Variants in PTPN22 observed in about 807,000 individuals in gnomAD.
PTPN22 encodes the protein tyrosine-protein phosphatase non-receptor type 22.
PTPN22 carries 85 observed loss-of-function variants against 103.3 expected under a neutral mutation model. The observed-to-expected ratio is 0.82, with a 90% CI of 0.69 to 0.99. The LOEUF is 0.99. Ranked by LOEUF, PTPN22 falls within the 50% of genes least tolerant of loss-of-function variation. The pLI, the probability that PTPN22 is intolerant of heterozygous loss-of-function variation, is 0.00. For missense variants in PTPN22, 865 were observed against 936.9 expected (o/e 0.92, Z 1.00); for synonymous variants, 323 against 310.2 (o/e 1.04, Z -0.43).
exon 21 of PTPN22, chr1:113,814,194 T>C (rs1394853959): frequency 2.0e-5 from 3 of 152,302 alleles, no homozygotes; most frequent in African/African-American, 4.8e-5. Flanking sequence ...TATAAACATA[T>C]ACAATTTATA....
At chr1:113,838,100 C>A (rs1663185361) in exon 13 of PTPN22, 1 of 1,613,978 alleles carries the variant, frequency 6.2e-7, no homozygotes, top group Non-Finnish European at 8.5e-7. Context: ...TATCTTCCTG[C>A]TGCATTTACA....
chr1:113,846,559 T>C (rs533681282), intron 11 of PTPN22, among the ~76,000 whole-genome samples: 2 of 152,328 alleles, frequency 1.3e-5, no homozygotes, highest in Non-Finnish European at 2.9e-5. Flanking sequence ...TTACCCACTT[T>C]TGTTTATTAT....
At chr1:113,829,601 T>C (rs753746966) in exon 18 of PTPN22, 7 of 1,586,980 alleles carry the variant, frequency 4.4e-6, no homozygotes, top group Non-Finnish European at 6.0e-6. Context: ...CCTTACTCCT[T>C]GTGAAACTTT....
chr1:113,829,021 TA>T (rs1253818009), intron 18 of PTPN22: 1 of 152,078 alleles, frequency 6.6e-6, no homozygotes, highest in Non-Finnish European at 1.5e-5. Context: ...TATTTATTTT[TA>T]TTTTTAAAAA....
Position 113,815,067 on chromosome 1 carries a change from G to T in PTPN22, c.2360-98C>A, listed in dbSNP as rs1347994738. 3.5e-6 allele frequency: 3 copies of T among 860,136 alleles called. No individual in the cohort carries two copies. In the East Asian group the frequency reaches 8.0e-5, roughly 23 times the overall value. The allele number at this position is 860,136 out of a possible 1,614,324, so 53.3% of individuals were successfully genotyped here. ...TATATTATAATATATGCAAATACAT[G>T]GTCTTTTTTTAAATGTTAGGCAGCA... On this transcript the variant is annotated intron_variant, in intron 20 of 20. Transcript: ENST00000359785.
At chr1:113,871,604 A>C in exon 1 of PTPN22, 1 of 1,614,050 alleles carries the variant, frequency 6.2e-7, no homozygotes. Flanking sequence ...GAACTTCTGC[A>C]GAATTTCTCT....
chr1:113,856,711 T>G, intron 5 of PTPN22, 92 bp from the exon 6 acceptor site: 1 of 1,564,538 alleles, frequency 6.4e-7, no homozygotes, highest in South Asian at 1.1e-5. Context: ...TCTATGTCCT[T>G]CACCTTAGGT....
At chr1:113,862,446 C>T (rs555196432) in intron 1 of PTPN22, among the ~76,000 whole-genome samples, 3 of 152,156 alleles carry the variant, frequency 2.0e-5, no homozygotes, top group South Asian at 4.2e-4. Flanking sequence ...CTACCCCTTT[C>T]GTTTCAAGAA....
At chr1:113,838,014 C>A (rs1308972922) in exon 13 of PTPN22, 1 of 1,614,014 alleles carries the variant, frequency 6.2e-7, no homozygotes, top group Admixed American at 1.7e-5. Context: ...TGCTGTCCAC[C>A]TCCTTGGTTT....
exon 7 of PTPN22, chr1:113,856,383 C>T (rs1665073256): frequency 1.3e-6 from 2 of 1,565,428 alleles, no homozygotes; most frequent in Non-Finnish European, 8.7e-7. Context: ...TATACTTACA[C>T]TATTGAACTT....
chr1:113,816,432 A>G (rs989182805), intron 20 of PTPN22, among the ~76,000 whole-genome samples: 9 of 105,170 alleles, frequency 8.6e-5, no homozygotes, highest in African/African-American at 2.8e-4. Context: ...GGGAAAAAAA[A>G]AAAGAATTGA....
chr1:113,871,483 A>T, intron 1 of PTPN22, 54 bp downstream of exon 1: 3 of 1,469,002 alleles, frequency 2.0e-6, no homozygotes, highest in Non-Finnish European at 2.9e-6. Context: ...GGACCCCCAT[A>T]GTCAGTTAAA....
chr1:113,849,591 TTTA>T (rs749400097), intron 10 of PTPN22, among the ~76,000 whole-genome samples: 13 of 86,060 alleles, frequency 1.5e-4, no homozygotes, highest in East Asian at 2.8e-4. Context: ...TATTTATTTA[TTTA>T]TTTTTTTTTT....
chr1:113,867,737 G>T (rs1038222255), intron 1 of PTPN22, among the ~76,000 whole-genome samples: 2 of 152,318 alleles, frequency 1.3e-5, no homozygotes, highest in Admixed American at 6.5e-5. Flanking sequence ...GTGGTCAGTG[G>T]TAGTTTCAAC....
intron 19 of PTPN22, 113 bp downstream of exon 19, chr1:113,825,029 G>A (rs1661930003): frequency 4.3e-6 from 3 of 698,418 alleles, no homozygotes; most frequent in Non-Finnish European, 7.0e-6. Flanking sequence ...AGGACCCTAT[G>A]GAGGCTCTGT....
rs556911025 is a variant in PTPN22, at chr1:113,830,171, T to C, written c.2054-142A>G. On this transcript the variant is annotated intron_variant, in intron 16 of 20. Coordinates refer to ENST00000359785, the Ensembl canonical transcript of PTPN22. The stretch of plus-strand genomic sequence containing the variant: ...AATAAAATATTATCTGAAAAATGAC[T>C]GGAGCCTCAAGAACTTTGTTTTTCT... 7.3e-5 allele frequency: 49 copies of C among 673,812 alleles called. No homozygotes were observed. The African/African-American group carries it at 7.8e-4, about 11-fold the overall frequency. 41.7% of individuals were successfully genotyped at this position (673,812 alleles called of 1,614,324 possible). A position where few individuals can be genotyped will look rare whatever the true frequency, so the allele number is the denominator to read the frequency against.
At chr1:113,870,690 A>C (rs1571497201) in intron 1 of PTPN22, among the ~76,000 whole-genome samples, 1 of 152,084 alleles carries the variant, frequency 6.6e-6, no homozygotes, top group Non-Finnish European at 1.5e-5. Flanking sequence ...TATTGAAAAA[A>C]CACATGTTAT....
At chr1:113,825,033 G>T in intron 19 of PTPN22, 109 bp downstream of exon 19, 1 of 750,712 alleles carries the variant, frequency 1.3e-6, no homozygotes. Context: ...CCCTATGGAG[G>T]CTCTGTTTAG....
intron 19 of PTPN22, 185 bp from the exon 20 acceptor site, chr1:113,819,839 G>GT: frequency 2.8e-6 from 1 of 362,992 alleles, no homozygotes; most frequent in Non-Finnish European, 4.8e-6. Flanking sequence ...TGTATTTTTG[G>GT]TTTTTTTCTT....
Sources: gnomAD v4.1 joint callset for allele counts (sites outside exome capture counted in the v4.1 genomes callset) on GRCh38, gnomAD v4.1.1 for gene constraint, MANE v1.5 for transcripts, NCBI Gene and HGNC (gene_info 2026-07-23, HGNC 2026-07-21) for gene names.